Variants in RAPGEF1 observed in about 807,000 individuals in gnomAD.
RAPGEF1 encodes the protein CRK SH3-binding GNRP.
RAPGEF1 carries 33 observed loss-of-function variants against 143.3 expected under a neutral mutation model. That is an observed-to-expected ratio of 0.23 (90% CI 0.17 to 0.31). The LOEUF (loss-of-function observed/expected upper bound fraction) is 0.31. RAPGEF1 is among the 10% of genes least tolerant of loss of function. The pLI is 1.00. For missense variants in RAPGEF1, 1,199 were observed against 1,645.4 expected, an observed-to-expected ratio of 0.73 and a Z score of 4.69; for synonymous variants, 629 against 676.5, an observed-to-expected ratio of 0.93 and a Z score of 1.09.
intron 1 of RAPGEF1, among the ~76,000 whole-genome samples, chr9:131,718,985 T>A: frequency 6.6e-6 from 1 of 152,096 alleles, no homozygotes; most frequent in East Asian, 1.9e-4. Flanking sequence ...ATAATTTAAA[T>A]TTTAGAGGTT....
intron 1 of RAPGEF1, among the ~76,000 whole-genome samples, chr9:131,729,321 T>C (rs1013747361): frequency 7.7e-5 from 9 of 116,318 alleles, no homozygotes; most frequent in African/African-American, 3.0e-4. Context: ...GGCAGGCTGC[T>C]TGACACTCAG....
At chr9:131,648,109 G>T (rs1970141945) in intron 3 of RAPGEF1, among the ~76,000 whole-genome samples, 1 of 152,228 alleles carries the variant, frequency 6.6e-6, no homozygotes. Flanking sequence ...GAAAATCCCG[G>T]CTGGGTGCGG....
At chr9:131,688,299 C>A (rs1183093637) in intron 1 of RAPGEF1, among the ~76,000 whole-genome samples, 3 of 152,190 alleles carry the variant, frequency 2.0e-5, no homozygotes, top group African/African-American at 7.2e-5. Context: ...GTGAACACCT[C>A]CAGTCAATGG....
At chr9:131,580,100 C>T (rs1036261892) in intron 26 of RAPGEF1, among the ~76,000 whole-genome samples, 163 bp downstream of exon 26, 7 of 152,238 alleles carry the variant, frequency 4.6e-5, no homozygotes, top group Admixed American at 4.6e-4. Context: ...GGCATGCTCT[C>T]AAGTCATCCT....
intron 1 of RAPGEF1, chr9:131,709,651 C>A (rs754803676): frequency 6.2e-7 from 1 of 1,614,022 alleles, no homozygotes; most frequent in South Asian, 1.1e-5. Context: ...GACTTCGTTT[C>A]AAGGGCTTCT....
At chr9:131,643,546 C>A in intron 3 of RAPGEF1, 129 bp from the exon 4 acceptor site, 1 of 872,268 alleles carries the variant, frequency 1.1e-6, no homozygotes, top group Non-Finnish European at 1.7e-6. Context: ...CTACAGAAAC[C>A]AAGCCAGATC....
intron 10 of RAPGEF1, among the ~76,000 whole-genome samples, chr9:131,624,322 G>C (rs1401262679): frequency 1.3e-5 from 2 of 152,232 alleles, no homozygotes; most frequent in Non-Finnish European, 2.9e-5. Flanking sequence ...GCACACCATG[G>C]CTGTAGCTCA....
intron 5 of RAPGEF1, among the ~76,000 whole-genome samples, chr9:131,635,354 A>AC (rs1273312861): frequency 6.6e-6 from 1 of 152,094 alleles, no homozygotes; most frequent in Non-Finnish European, 1.5e-5. Flanking sequence ...GATAAATGCT[A>AC]CCATGCATTC....
At position 131,630,283 on chromosome 9, in the gene RAPGEF1, A is replaced by T; in HGVS notation, c.693T>A (p.Ser231=). 3 of 1,613,728 alleles carry T rather than the reference A, an allele frequency of 1.9e-6. No homozygotes were observed. Among genetic ancestry groups the T allele is most frequent in the Non-Finnish European group, 2.5e-6 (3 of 1,179,830 alleles). The change falls in exon 6 of 27, where the codon TCT becomes TCA. Residue 231 remains serine (S), a synonymous_variant. Coordinates refer to ENST00000683357, the MANE Select transcript of RAPGEF1 (RefSeq NM_001377935.1). ...RLTIEKQGRP[S]PTSPVKPSSP... ...AACTGGGCTTCACGGGGCTCGTCGG[A>T]GACGGACGTCCCTGCTTCTCGATGG...
At chr9:131,603,159 CCTG>C (rs1956551376) in intron 14 of RAPGEF1, among the ~76,000 whole-genome samples, 1 of 152,026 alleles carries the variant, frequency 6.6e-6, no homozygotes, top group African/African-American at 2.4e-5. Context: ...CTGTGGGGAC[CCTG>C]CTGAGAGAAC....
At chr9:131,703,607 T>C (rs752849229) in intron 1 of RAPGEF1, among the ~76,000 whole-genome samples, 2 of 152,150 alleles carry the variant, frequency 1.3e-5, no homozygotes, top group Non-Finnish European at 2.9e-5. Context: ...GACAGCCAAC[T>C]AGAAAGTGGG....
chr9:131,725,247 G>C (rs1259014836), intron 1 of RAPGEF1: 1 of 152,210 alleles, frequency 6.6e-6, no homozygotes, highest in Admixed American at 6.5e-5. Flanking sequence ...ATCAGCACAG[G>C]AGTTTTGACC....
At chr9:131,735,117 C>T (rs1564217193) in intron 1 of RAPGEF1, among the ~76,000 whole-genome samples, 5 of 152,212 alleles carry the variant, frequency 3.3e-5, no homozygotes, top group South Asian at 4.1e-4. Context: ...CCCAGGAGGC[C>T]GGGATCTTTG....
chr9:131,588,715 G>A, intron 20 of RAPGEF1, 86 bp downstream of exon 20: 4 of 1,368,336 alleles, frequency 2.9e-6, no homozygotes, highest in Non-Finnish European at 4.0e-6. Context: ...CCAGGATGGG[G>A]CTGTGGGGCT....
chr9:131,735,175 C>T (rs371704842), intron 1 of RAPGEF1, among the ~76,000 whole-genome samples: 31 of 152,346 alleles, frequency 2.0e-4, no homozygotes, highest in Middle Eastern at 3.4e-3. Context: ...GAGGTTGCTC[C>T]GTGAGGCAGG....
Position 131,582,617 on chromosome 9 carries a change from C to T in RAPGEF1, c.3500G>A (p.Cys1167Tyr). 6.5e-7 allele frequency: 1 copy of T among 1,528,240 alleles called. No homozygotes were observed. Among genetic ancestry groups the T allele is most frequent in the East Asian group, 2.6e-5 (1 of 37,878 alleles). 94.7% of individuals were successfully genotyped at this position (1,528,240 alleles called of 1,614,324 possible). A position where few individuals can be genotyped will look rare whatever the true frequency, so the allele number is the denominator to read the frequency against. Residue 1167 changes from cysteine (C) to tyrosine (Y), a missense_variant, in exon 25 of 27, where the codon TGC becomes TAC. Physicochemically the swap from Cys to Tyr is radical, Grantham distance 194 (BLOSUM62 -2). Transcript: ENST00000683357. ...GGCTGCTACTCACAGGTACGGGATG[C>T]ACGGCGGTTCCACCTCCGAGAGGGC... Reference protein sequence around the residue: ...RAALSEVEPPCIPYLGLILQD... With the variant: ...RAALSEVEPPYIPYLGLILQD...
chr9:131,623,444 C>A (rs982899745), intron 10 of RAPGEF1, among the ~76,000 whole-genome samples: 1 of 152,214 alleles, frequency 6.6e-6, no homozygotes, highest in African/African-American at 2.4e-5. Context: ...TTAAACACAA[C>A]CATCTCTGCC....
chr9:131,699,259 TCTG>T (rs1834445521), intron 1 of RAPGEF1, among the ~76,000 whole-genome samples: 2 of 139,744 alleles, frequency 1.4e-5, no homozygotes, highest in African/African-American at 5.2e-5. Context: ...TTTTTTTTTT[TCTG>T]AGGTGCAGTT....
At chr9:131,722,810 G>A (rs1836362151) in intron 1 of RAPGEF1, among the ~76,000 whole-genome samples, 2 of 152,046 alleles carry the variant, frequency 1.3e-5, no homozygotes, top group African/African-American at 4.8e-5. Context: ...AGGCTGCAGT[G>A]AGCCATGATC....
Sources: gnomAD v4.1 joint callset for allele counts (sites outside exome capture counted in the v4.1 genomes callset) on GRCh38, gnomAD v4.1.1 for gene constraint, MANE v1.5 for transcripts, NCBI Gene and HGNC (gene_info 2026-07-23, HGNC 2026-07-21) for gene names.